The following RAB40C variants were observed in gnomAD, a reference collection of about 807,000 sequenced individuals.
RAB40C encodes RAB40C, member RAS oncogene family, also known as ras-related protein Rab-40C.
In RAB40C, 8 loss-of-function variants were observed where a neutral mutation model predicts 28.1. That is an observed-to-expected ratio of 0.28 (90% CI 0.17 to 0.51). The LOEUF is 0.51. Ranked by LOEUF, RAB40C falls within the 20% of genes least tolerant of loss-of-function variation. The pLI is 0.97. For missense variants in RAB40C, 288 were observed against 405.9 expected (o/e 0.71, Z 2.50); for synonymous variants, 201 against 171.7 (o/e 1.17, Z -1.34).
At chr16:590,540 C>T in intron 1 of RAB40C, 107 bp downstream of exon 1, 1 of 1,324,776 alleles carries the variant, frequency 7.5e-7, no homozygotes, top group Non-Finnish European at 9.8e-7. Context: ...CGAACGTTCC[C>T]AGGAACGCCT....
intron 1 of RAB40C, among the ~76,000 whole-genome samples, chr16:591,016 T>C (rs954829189): frequency 8.6e-5 from 13 of 151,000 alleles, no homozygotes; most frequent in African/African-American, 3.2e-4. Context: ...GAAGGTGTCA[T>C]GGGTCTAGGA....
intron 3 of RAB40C, 122 bp downstream of exon 3, chr16:618,382 C>A: frequency 9.9e-7 from 1 of 1,006,026 alleles, no homozygotes; most frequent in African/African-American, 1.7e-5. Flanking sequence ...GATATTCTCA[C>A]ATTGGTTTGT....
chr16:625,140 C>T, intron 3 of RAB40C: 1 of 1,360,680 alleles, frequency 7.3e-7, no homozygotes, highest in Non-Finnish European at 9.7e-7. Context: ...CCGCATCTGC[C>T]TGCCCAGGAA....
At chr16:592,071 C>T (rs113968358) in intron 1 of RAB40C, among the ~76,000 whole-genome samples, 25 of 152,222 alleles carry the variant, frequency 1.6e-4, no homozygotes, top group Admixed American at 1.3e-4. Context: ...GGATGTGGCC[C>T]CAGATGAACT....
chr16:626,930 CG>C (rs1424609187), intron 5 of RAB40C, among the ~76,000 whole-genome samples: 1 of 152,116 alleles, frequency 6.6e-6, no homozygotes, highest in Admixed American at 6.5e-5. Context: ...GAGCGAGACC[CG>C]TCTCAAAAAA....
chr16:607,860 G>T (rs929432093), intron 1 of RAB40C, among the ~76,000 whole-genome samples: 1 of 152,124 alleles, frequency 6.6e-6, no homozygotes, highest in Admixed American at 6.5e-5. Context: ...AAAAGAAAAC[G>T]AAGTCGCACC....
intron 1 of RAB40C, among the ~76,000 whole-genome samples, chr16:607,501 C>CAA (rs536655116): frequency 0.22 from 22,139 of 100,358 alleles, 1,981 homozygotes; most frequent in South Asian, 0.32. Flanking sequence ...GAAACTGTCT[C>CAA]AAAAAAAAAA....
intron 3 of RAB40C, among the ~76,000 whole-genome samples, chr16:618,685 G>A (rs576757167): frequency 1.5e-3 from 235 of 151,774 alleles, no homozygotes; most frequent in Non-Finnish European, 2.6e-3. Flanking sequence ...GGAGCTGTGT[G>A]TGTGCACAGG....
Position 625,523 on chromosome 16 carries a change from C to T in RAB40C, c.342+14C>T, listed in dbSNP as rs751593270. ...GAGATCGATGAGGTAGGCCTGGGTC[C>T]GGGGAGCCCTCCCGGGGAAGGCAGG... is the stretch of plus-strand genomic sequence containing the variant. On this transcript the variant is annotated intron_variant, in intron 4 of 5. Transcript: ENST00000248139. The T allele has an allele frequency of 1.9e-5, 30 of 1,612,304 alleles. No individual in the cohort carries two copies. The highest frequency in any genetic ancestry group is 4.0e-5 in the African/African-American group (3 of 74,920).
intron 3 of RAB40C, chr16:624,188 T>C: frequency 1.0e-6 from 1 of 985,120 alleles, no homozygotes; most frequent in Non-Finnish European, 1.2e-6. Context: ...GGGCTTGCCA[T>C]GCGGGAGGTT....
chr16:594,770 C>T (rs2036075188), intron 1 of RAB40C, among the ~76,000 whole-genome samples: 1 of 151,668 alleles, frequency 6.6e-6, no homozygotes, highest in African/African-American at 2.4e-5. Context: ...CACTGCAGCC[C>T]AGAGTCCCTT....
chr16:601,003 C>T (rs2036238072), intron 1 of RAB40C, among the ~76,000 whole-genome samples: 2 of 152,188 alleles, frequency 1.3e-5, no homozygotes, highest in Admixed American at 1.3e-4. Context: ...GCAGCCTGCC[C>T]CTCTGTCTGC....
At position 597,975 on chromosome 16, in the gene RAB40C, A is replaced by G. The variant is rs184272395; in HGVS notation, c.142+7542A>G. ...AAAAAAAAAAAAAAAGGCCGGGTGCAGTGGCTCACACCTGTAATTCCAGCA... is the reference window on the plus strand; with the variant it reads ...AAAAAAAAAAAAAAAGGCCGGGTGCGGTGGCTCACACCTGTAATTCCAGCA... On this transcript the variant is annotated intron_variant, in intron 1 of 5. Transcript: ENST00000248139. 5.5e-5 allele frequency among the ~76,000 whole-genome samples: 8 copies of G among 145,754 alleles called. No homozygotes were observed. The East Asian group carries it at 1.5e-3, about 27-fold the overall frequency.
chr16:600,783 C>T (rs139779459), intron 1 of RAB40C, among the ~76,000 whole-genome samples: 27 of 152,294 alleles, frequency 1.8e-4, no homozygotes, highest in African/African-American at 5.8e-4. Context: ...TTGGTGCCTA[C>T]GTGCGTCACA....
intron 1 of RAB40C, among the ~76,000 whole-genome samples, chr16:598,706 G>A (rs1194753246): frequency 1.3e-5 from 2 of 151,414 alleles, no homozygotes; most frequent in East Asian, 1.9e-4. Flanking sequence ...GTTGCACTAC[G>A]TTCCAGCCTG....
rs146176560 is a variant in RAB40C, at chr16:610,948, G to A, written c.143-6260G>A. Among the ~76,000 whole-genome samples, 31 of 152,308 alleles carry A rather than the reference G, an allele frequency of 2.0e-4. No homozygotes were observed. In the East Asian group the frequency reaches 4.6e-3, roughly 23 times the overall value. On this transcript the variant is annotated intron_variant, in intron 1 of 5. Coordinates refer to ENST00000248139, the MANE Select transcript of RAB40C (RefSeq NM_021168.5). This position sits in a 1 kb window ranked among gnomAD's most constrained non-coding sequence, Gnocchi z 4.6. ...CTGGGAACAAGACACTCGGCTGACT[G>A]TGCTTAGAGAACAGGCCGCTGTTTG...
chr16:607,751 A>T (rs902315050), intron 1 of RAB40C, among the ~76,000 whole-genome samples: 1 of 152,224 alleles, frequency 6.6e-6, no homozygotes, highest in Non-Finnish European at 1.5e-5. Flanking sequence ...AGATCGCGCC[A>T]CTGCACTCCA....
chr16:624,771 T>C (rs2036792521), intron 3 of RAB40C: 2 of 985,308 alleles, frequency 2.0e-6, no homozygotes, highest in South Asian at 9.4e-5. Context: ...GATGTCACCG[T>C]TTCGCCCGAC....
intron 1 of RAB40C, among the ~76,000 whole-genome samples, chr16:591,592 C>CT (rs1263923921): frequency 6.6e-6 from 1 of 150,958 alleles, no homozygotes; most frequent in Non-Finnish European, 1.5e-5. Context: ...CTTTTCTTTT[C>CT]TTTCTTTTTT....
Sources: gnomAD v4.1 joint callset for allele counts (sites outside exome capture counted in the v4.1 genomes callset) on GRCh38, gnomAD v4.1.1 for gene constraint, Gnocchi (gnomAD v3.1) non-coding constraint, MANE v1.5 for transcripts, NCBI Gene and HGNC (gene_info 2026-07-23, HGNC 2026-07-21) for gene names.